Variants in TBC1D1 observed in about 807,000 individuals in gnomAD.
TBC1D1 encodes TBC1 (tre-2/USP6, BUB2, cdc16) domain family, member 1.
A neutral mutation model predicts 125.6 loss-of-function variants in TBC1D1; 89 were observed. That is an observed-to-expected ratio of 0.71 (90% CI 0.60 to 0.85). The LOEUF is 0.85. Ranked by LOEUF, TBC1D1 falls within the 40% of genes least tolerant of loss-of-function variation. The pLI is 0.00. For synonymous variants in TBC1D1, 565 were observed against 564.1 expected (o/e 1.00, Z -0.02); for missense variants, 1,377 against 1,469.2 (o/e 0.94, Z 1.03).
At chr4:37,973,425 C>T (rs1732454974) in intron 2 of TBC1D1, among the ~76,000 whole-genome samples, 1 of 152,198 alleles carries the variant, frequency 6.6e-6, no homozygotes, top group Non-Finnish European at 1.5e-5. Flanking sequence ...TTTTATTCCC[C>T]TAAACCTAAT....
chr4:38,077,972 C>T (rs1181240339), intron 12 of TBC1D1, among the ~76,000 whole-genome samples: 3 of 152,160 alleles, frequency 2.0e-5, no homozygotes, highest in East Asian at 1.9e-4. Flanking sequence ...GGTGAGGAAG[C>T]GGGATGAAAG....
chr4:38,136,066 TG>T (rs1766562063), intron 19 of TBC1D1, among the ~76,000 whole-genome samples: 1 of 151,968 alleles, frequency 6.6e-6, no homozygotes, highest in South Asian at 2.1e-4. Flanking sequence ...AGCTGTGAGC[TG>T]GGGAACAGGT....
chr4:38,074,836 G>C (rs1021770415), intron 12 of TBC1D1, among the ~76,000 whole-genome samples: 1 of 150,314 alleles, frequency 6.7e-6, no homozygotes, highest in Admixed American at 6.6e-5. Flanking sequence ...ATCTTGGCTC[G>C]CTGCAACCTC....
intron 17 of TBC1D1, chr4:38,118,471 G>C: frequency 2.9e-6 from 1 of 344,142 alleles, no homozygotes; most frequent in Non-Finnish European, 5.3e-6. Flanking sequence ...CCCTAGAGCA[G>C]ACATTTGGAG....
chr4:38,064,858 C>T (rs901997249), intron 12 of TBC1D1, among the ~76,000 whole-genome samples: 3 of 151,964 alleles, frequency 2.0e-5, no homozygotes, highest in African/African-American at 4.8e-5. Flanking sequence ...CTCCCGACCT[C>T]GCGATTCACC....
intron 3 of TBC1D1, among the ~76,000 whole-genome samples, chr4:38,015,883 G>A (rs1238101184): frequency 6.6e-6 from 1 of 152,058 alleles, no homozygotes; most frequent in Non-Finnish European, 1.5e-5. Flanking sequence ...GGGTAAATAG[G>A]GCTGATGTTT....
intron 12 of TBC1D1, among the ~76,000 whole-genome samples, chr4:38,071,176 C>T (rs1255395118): frequency 6.6e-6 from 1 of 152,148 alleles, no homozygotes; most frequent in Non-Finnish European, 1.5e-5. Context: ...TGTCCCTGCT[C>T]TTACTGTGGC....
At chr4:37,966,537 T>C (rs1468855783) in intron 2 of TBC1D1, among the ~76,000 whole-genome samples, 2 of 152,264 alleles carry the variant, frequency 1.3e-5, no homozygotes, top group African/African-American at 4.8e-5. Context: ...TTTTCAATTA[T>C]GTACCTTCTC....
intron 4 of TBC1D1, among the ~76,000 whole-genome samples, chr4:38,019,953 C>T (rs1444181015): frequency 2.6e-5 from 4 of 152,064 alleles, no homozygotes; most frequent in Non-Finnish European, 4.4e-5. Flanking sequence ...CTTCATGAAT[C>T]TCTGGTCTGC....
intron 1 of TBC1D1, among the ~76,000 whole-genome samples, chr4:37,895,758 T>G (rs771439000): frequency 6.6e-6 from 1 of 152,178 alleles, no homozygotes; most frequent in African/African-American, 2.4e-5. Context: ...ATCATTACTT[T>G]ACATGTCAAA....
At chr4:37,893,389 G>C (rs762028309) in intron 1 of TBC1D1, among the ~76,000 whole-genome samples, 1 of 152,150 alleles carries the variant, frequency 6.6e-6, no homozygotes, top group Non-Finnish European at 1.5e-5. Context: ...AGGATCATTT[G>C]TTTTGCCCTT....
chr4:38,083,239 A>G (rs913667498), intron 12 of TBC1D1, among the ~76,000 whole-genome samples: 7 of 152,182 alleles, frequency 4.6e-5, no homozygotes, highest in Non-Finnish European at 8.8e-5. Flanking sequence ...AAAACCCCCA[A>G]TCTTCTGGAA....
chr4:38,003,758 C>G (rs969267756), intron 2 of TBC1D1, among the ~76,000 whole-genome samples: 64 of 151,658 alleles, frequency 4.2e-4, no homozygotes, highest in African/African-American at 1.5e-3. Context: ...GTTCCAGCTA[C>G]TTGGGAGGCT....
intron 2 of TBC1D1, among the ~76,000 whole-genome samples, chr4:37,935,421 C>T (rs954900346): frequency 6.6e-6 from 1 of 152,182 alleles, no homozygotes; most frequent in Non-Finnish European, 1.5e-5. Flanking sequence ...TGGCTATTGA[C>T]ACCTGGGAGT....
chr4:37,893,634 CA>C (rs1713856165), intron 1 of TBC1D1, among the ~76,000 whole-genome samples: 2 of 152,000 alleles, frequency 1.3e-5, no homozygotes, highest in Non-Finnish European at 2.9e-5. Flanking sequence ...GCCTGGCCAG[CA>C]TGGCAAAACC....
intron 2 of TBC1D1, among the ~76,000 whole-genome samples, chr4:37,904,656 G>A (rs943223687): frequency 7.2e-5 from 11 of 152,180 alleles, no homozygotes; most frequent in East Asian, 1.9e-4. Flanking sequence ...TACTCTATAT[G>A]CTAAAAACCC....
chr4:38,064,244 A>G (rs1284432303), intron 12 of TBC1D1, among the ~76,000 whole-genome samples: 1 of 152,160 alleles, frequency 6.6e-6, no homozygotes, highest in Non-Finnish European at 1.5e-5. Context: ...GTCGAGAGGC[A>G]TTTGGATTGT....
rs112242466 is a variant in TBC1D1 at position 37,979,235 on chromosome 4, G to A, written c.418-35274G>A. 3.8e-3 allele frequency among the ~76,000 whole-genome samples: 576 copies of A among 152,284 alleles called. 3 individuals carry two copies. Among genetic ancestry groups the A allele is most frequent in the African/African-American group, 0.013 (545 of 41,554 alleles). The stretch of plus-strand genomic sequence containing the variant: ...GGAAAAACTATTAAATGTTTTTGGA[G>A]CAAATTCATGTATACCTCTTAGCAT... On this transcript the variant is annotated intron_variant, in intron 2 of 19. Transcript: ENST00000261439.
At chr4:38,100,185 T>C (rs749430112) in intron 14 of TBC1D1, among the ~76,000 whole-genome samples, 5 of 152,182 alleles carry the variant, frequency 3.3e-5, no homozygotes, top group Non-Finnish European at 7.4e-5. Flanking sequence ...AATAGAATAA[T>C]AGTAGAAAGC....
Sources: allele counts gnomAD v4.1 joint callset (sites outside exome capture counted in the v4.1 genomes callset), GRCh38; gene constraint gnomAD v4.1.1; transcripts MANE v1.5; gene names NCBI Gene and HGNC (gene_info 2026-07-23, HGNC 2026-07-21).